GPR39: variants seen among roughly 807,000 people sequenced by gnomAD.
The protein encoded by GPR39 is zinc sensing receptor.
A neutral mutation model predicts 18.4 loss-of-function variants in GPR39; 23 were observed. That is an observed-to-expected ratio of 1.25 (90% CI 0.90 to 1.77). The LOEUF is 1.77. Ranked by LOEUF, GPR39 falls within the 40% of genes most tolerant of loss-of-function variation. The pLI is 0.00. For synonymous variants in GPR39, 280 were observed against 257.9 expected (o/e 1.09, Z -0.82); for missense variants, 647 against 602.4 (o/e 1.07, Z -0.78).
chr2:132,595,411 GT>G (rs993637147), intron 1 of GPR39, among the ~76,000 whole-genome samples: 1 of 152,054 alleles, frequency 6.6e-6, no homozygotes, highest in Non-Finnish European at 1.5e-5. Flanking sequence ...GCCTAATTTT[GT>G]TTTTTTCAAG....
chr2:132,554,881 G>A (rs906131832), intron 1 of GPR39, among the ~76,000 whole-genome samples: 36 of 152,092 alleles, frequency 2.4e-4, no homozygotes, highest in Middle Eastern at 3.4e-3. Flanking sequence ...TTCTGGAAAA[G>A]ACATACTTTC....
intron 1 of GPR39, among the ~76,000 whole-genome samples, chr2:132,586,035 G>T (rs896651388): frequency 7.0e-6 from 1 of 143,734 alleles, no homozygotes; most frequent in Non-Finnish European, 1.5e-5. Flanking sequence ...CATTTGTGGC[G>T]TCTGATTCAC....
intron 1 of GPR39, chr2:132,604,966 T>A (rs1209226432): frequency 2.0e-5 from 3 of 152,358 alleles, no homozygotes; most frequent in South Asian, 2.1e-4. Context: ...ACTTACCACA[T>A]GTCAGATATC....
intron 1 of GPR39, among the ~76,000 whole-genome samples, chr2:132,507,229 A>G (rs921742603): frequency 6.6e-6 from 1 of 152,196 alleles, no homozygotes; most frequent in Non-Finnish European, 1.5e-5. Context: ...TAGACATGAG[A>G]TATAATGAAT....
chr2:132,532,223 G>A (rs528952928), intron 1 of GPR39, among the ~76,000 whole-genome samples: 2 of 152,324 alleles, frequency 1.3e-5, no homozygotes, highest in Admixed American at 1.3e-4. Flanking sequence ...ACAGCTCTAT[G>A]CAAATAAACT....
At chr2:132,607,631 C>A (rs1171736645) in intron 1 of GPR39, among the ~76,000 whole-genome samples, 2 of 152,162 alleles carry the variant, frequency 1.3e-5, no homozygotes, top group Non-Finnish European at 2.9e-5. Flanking sequence ...CACCTCTCAT[C>A]CAAAGGAGAT....
intron 1 of GPR39, among the ~76,000 whole-genome samples, chr2:132,482,181 A>G (rs554935542): frequency 1.2e-4 from 18 of 152,318 alleles, no homozygotes; most frequent in African/African-American, 4.3e-4. Context: ...GATTAGATCC[A>G]GACCTTAGTA....
intron 1 of GPR39, among the ~76,000 whole-genome samples, chr2:132,597,892 G>T (rs1169906150): frequency 6.6e-6 from 1 of 152,156 alleles, no homozygotes; most frequent in Non-Finnish European, 1.5e-5. Flanking sequence ...GTCACACAGG[G>T]TCTCCTGATC....
At chr2:132,471,918 G>A (rs868239537) in intron 1 of GPR39, among the ~76,000 whole-genome samples, 2 of 152,112 alleles carry the variant, frequency 1.3e-5, no homozygotes, top group African/African-American at 4.8e-5. Flanking sequence ...ACCCAAGTCC[G>A]CAATGTGTAT....
At chr2:132,555,349 G>C (rs1256275095) in intron 1 of GPR39, among the ~76,000 whole-genome samples, 1 of 152,166 alleles carries the variant, frequency 6.6e-6, no homozygotes, top group Non-Finnish European at 1.5e-5. Context: ...GAATGCAGAA[G>C]GGGCTTGGTT....
chr2:132,510,363 G>C (rs73001260), intron 1 of GPR39, among the ~76,000 whole-genome samples: 1,780 of 152,214 alleles, frequency 0.012, 32 homozygotes, highest in African/African-American at 0.039. Flanking sequence ...AAGCTGTCTG[G>C]GGCTGCTAGT....
intron 1 of GPR39, among the ~76,000 whole-genome samples, chr2:132,538,909 C>T (rs1679809031): frequency 6.6e-6 from 1 of 152,180 alleles, no homozygotes; most frequent in Non-Finnish European, 1.5e-5. Flanking sequence ...GTCGCCTCTC[C>T]CCCGACCAAA....
intron 1 of GPR39, among the ~76,000 whole-genome samples, chr2:132,460,229 G>T (rs1284673955): frequency 6.6e-6 from 1 of 152,096 alleles, no homozygotes; most frequent in Admixed American, 6.6e-5. Context: ...TAGAAAGCTG[G>T]CACAGAGGGG....
At chr2:132,635,496 A>G (rs902931627) in intron 1 of GPR39, among the ~76,000 whole-genome samples, 2 of 152,168 alleles carry the variant, frequency 1.3e-5, no homozygotes, top group African/African-American at 4.8e-5. Context: ...CTGGACTAAG[A>G]TCTGGACTAA....
At chr2:132,475,179 A>G (rs994626868) in intron 1 of GPR39, among the ~76,000 whole-genome samples, 4 of 151,914 alleles carry the variant, frequency 2.6e-5, no homozygotes, top group African/African-American at 2.4e-5. Flanking sequence ...TCTCATGTCA[A>G]TCACCATCCC....
intron 1 of GPR39, among the ~76,000 whole-genome samples, chr2:132,634,069 T>C (rs1324911909): frequency 2.6e-5 from 4 of 151,524 alleles, no homozygotes; most frequent in Admixed American, 2.6e-4. Flanking sequence ...GTGGCAGTAG[T>C]AGCAGTGGTG....
intron 1 of GPR39, among the ~76,000 whole-genome samples, chr2:132,625,575 G>GA (rs1234945939): frequency 6.6e-6 from 1 of 152,102 alleles, no homozygotes; most frequent in Non-Finnish European, 1.5e-5. Flanking sequence ...GCTCATATGA[G>GA]AACAGAAGGG....
In GPR39 at chr2:132,427,956, GTTATAT is replaced by G. The variant is rs1229299358; in HGVS notation, c.856+10068_856+10073del. ...TATATAGTTATATATATTATATATA[GTTATAT>G]TTATATTTAAATATATATATATTTA... is the stretch of plus-strand genomic sequence containing the variant. On this transcript the variant is annotated intron_variant, in intron 1 of 1. Coordinates refer to ENST00000329321, the MANE Select transcript of GPR39 (RefSeq NM_001508.3). Among the ~76,000 whole-genome samples, 8 of 144,224 alleles carry G rather than the reference GTTATAT, an allele frequency of 5.5e-5. No individual in the cohort carries two copies. In the South Asian group the frequency reaches 1.1e-3, roughly 20 times the overall value. 94.6% of individuals were successfully genotyped at this position (144,224 alleles called of 152,430 possible). A position where few individuals can be genotyped will look rare whatever the true frequency, so the allele number is the denominator to read the frequency against.
chr2:132,416,909 C>T lies in GPR39; in HGVS notation c.-134C>T, dbSNP rs555920786. 1,014 of 1,168,472 alleles carry T rather than the reference C, an allele frequency of 8.7e-4. No homozygotes were observed. The highest frequency in any genetic ancestry group is 1.1e-3 in the Non-Finnish European group (950 of 831,482). 72.4% of individuals were successfully genotyped at this position (1,168,472 alleles called of 1,614,324 possible). ...AGCACCTGAAATACTAAGTTACCTTCGCGAGGAGAACTCGAGTGAGATAAA... is the reference window on the plus strand; with the variant it reads ...AGCACCTGAAATACTAAGTTACCTTTGCGAGGAGAACTCGAGTGAGATAAA... On this transcript the variant is annotated 5_prime_UTR_variant, in exon 1 of 2. Transcript: ENST00000329321.
Sources: allele counts gnomAD v4.1 joint callset (sites outside exome capture counted in the v4.1 genomes callset), GRCh38; gene constraint gnomAD v4.1.1; transcripts MANE v1.5; gene names NCBI Gene and HGNC (gene_info 2026-07-23, HGNC 2026-07-21).